The following ESRRG variants were observed in gnomAD, a reference collection of about 807,000 sequenced individuals.
ESRRG encodes estrogen related receptor gamma, also known as estrogen-related receptor gamma.
A neutral mutation model predicts 44.0 loss-of-function variants in ESRRG; 13 were observed. The ratio of observed to expected loss-of-function variants is 0.30; its 90% confidence interval spans 0.19 to 0.47. The LOEUF (loss-of-function observed/expected upper bound fraction) is 0.47, where lower values mean the gene tolerates loss of function less well. Ranked by LOEUF, ESRRG falls within the 20% of genes least tolerant of loss-of-function variation. ESRRG has a pLI of 1.00. For synonymous variants in ESRRG, 215 were observed against 214.6 expected (o/e 1.00, Z -0.02); for missense variants, 395 against 580.6 (o/e 0.68, Z 3.29).
At position 216,842,189 on chromosome 1, in the gene ESRRG, C is replaced by T. The variant is rs2095663989; in HGVS notation, c.-14+97393G>A. On this transcript the variant is annotated intron_variant, in intron 2 of 7. Coordinates refer to the ESRRG transcript ENST00000359162. Reference sequence around the variant, plus strand: ...CTCTTAGGAAATCTTTGCTATTAAACCTATTCGCTATGCCTAGTTCTATAT... The same window carrying T: ...CTCTTAGGAAATCTTTGCTATTAAATCTATTCGCTATGCCTAGTTCTATAT... Among the ~76,000 whole-genome samples, 3 of 152,140 alleles carry T rather than the reference C, an allele frequency of 2.0e-5. No homozygotes were observed. The South Asian group carries it at 6.2e-4, about 32-fold the overall frequency.
At chr1:216,685,109 C>T (rs1380635476) in intron 1 of ESRRG, among the ~76,000 whole-genome samples, 2 of 152,140 alleles carry the variant, frequency 1.3e-5, no homozygotes, top group South Asian at 2.1e-4. Flanking sequence ...GAAGGGCTTT[C>T]GAACAGTGTG....
At chr1:216,551,256 C>G (rs2056252857) in intron 5 of ESRRG, among the ~76,000 whole-genome samples, 1 of 152,078 alleles carries the variant, frequency 6.6e-6, no homozygotes, top group Non-Finnish European at 1.5e-5. Flanking sequence ...TTAATATATA[C>G]TTTGTTTAGT....
At chr1:216,866,411 AT>A (rs2096160019) in intron 2 of ESRRG, among the ~76,000 whole-genome samples, 1 of 152,092 alleles carries the variant, frequency 6.6e-6, no homozygotes, top group Non-Finnish European at 1.5e-5. Context: ...TGAAATATAT[AT>A]TTTTTAGGGG....
At chr1:216,906,741 G>A (rs1037413034) in intron 2 of ESRRG, among the ~76,000 whole-genome samples, 1 of 152,162 alleles carries the variant, frequency 6.6e-6, no homozygotes, top group African/African-American at 2.4e-5. Flanking sequence ...AGAATCCAGG[G>A]AATTTTTGTA....
chr1:216,775,226 A>G (rs193148268), intron 2 of ESRRG, among the ~76,000 whole-genome samples: 1 of 152,094 alleles, frequency 6.6e-6, no homozygotes, highest in East Asian at 1.9e-4. Flanking sequence ...TTGTTCATCT[A>G]TTTATTGTAT....
chr1:216,911,087 T>C (rs1485395665), intron 2 of ESRRG, among the ~76,000 whole-genome samples: 1 of 152,208 alleles, frequency 6.6e-6, no homozygotes, highest in Non-Finnish European at 1.5e-5. Context: ...TTTTAATTGT[T>C]ATTTAACAGT....
rs2058771759 is a variant in ESRRG at position 216,899,184 on chromosome 1, G to A, written c.-14+40398C>T. On this transcript the variant is annotated intron_variant, in intron 2 of 7. Coordinates refer to the ESRRG transcript ENST00000359162. ...TATAGATAATGACAAGAAAGTTTCA[G>A]GGCTAAGTACTAAAGACACCTGGAC... Among the ~76,000 whole-genome samples, 4 of 152,162 alleles carry A rather than the reference G, an allele frequency of 2.6e-5. No homozygotes were observed. In the South Asian group the frequency reaches 8.3e-4, roughly 32 times the overall value.
intron 1 of ESRRG, among the ~76,000 whole-genome samples, chr1:216,997,086 C>T (rs1335387380): frequency 4.6e-5 from 7 of 151,728 alleles, no homozygotes; most frequent in Non-Finnish European, 7.4e-5. Context: ...ATGCCAAAAA[C>T]GTGGAGAAGA....
chr1:217,008,175 C>A (rs2078031903), intron 1 of ESRRG, among the ~76,000 whole-genome samples: 1 of 152,214 alleles, frequency 6.6e-6, no homozygotes, highest in Admixed American at 6.5e-5. Context: ...TCCTTTCAGG[C>A]TGTCTGCCAC....
intron 1 of ESRRG, among the ~76,000 whole-genome samples, chr1:217,075,587 T>C (rs2091176249): frequency 7.7e-6 from 1 of 129,860 alleles, no homozygotes; most frequent in African/African-American, 2.9e-5. Context: ...AAATTGCTCC[T>C]TTCCCCCCCC....
intron 3 of ESRRG, among the ~76,000 whole-genome samples, chr1:216,569,276 G>A (rs996632865): frequency 1.3e-5 from 2 of 151,088 alleles, no homozygotes; most frequent in Non-Finnish European, 3.0e-5. Flanking sequence ...AGGAAAGAAG[G>A]AAGGAAGGAA....
At chr1:216,845,280 T>C (rs1464231727) in intron 2 of ESRRG, among the ~76,000 whole-genome samples, 2 of 152,266 alleles carry the variant, frequency 1.3e-5, no homozygotes, top group Non-Finnish European at 2.9e-5. Flanking sequence ...CCATAAATAT[T>C]TGTTAAATGT....
intron 2 of ESRRG, among the ~76,000 whole-genome samples, chr1:216,829,194 T>C (rs781653185): frequency 3.3e-5 from 5 of 152,170 alleles, no homozygotes; most frequent in Non-Finnish European, 7.4e-5. Flanking sequence ...TCCAGTACTA[T>C]AACTGTTACC....
rs139701773 is a variant in ESRRG, at chr1:217,114,667, CTTT to C, written c.-230+22997_-230+22999del. ...TTGTGCATGGAGGTCCAAAAGATTT[CTTT>C]TTTTTTTTTTTTTTTTTTGAGACGG... On this transcript the variant is annotated intron_variant, in intron 1 of 8. Coordinates refer to the ESRRG transcript ENST00000366940. Among the ~76,000 whole-genome samples, 937 of 107,234 alleles carry C rather than the reference CTTT, an allele frequency of 8.7e-3. 4 individuals are homozygous for C. The highest frequency in any genetic ancestry group is 0.028 in the African/African-American group (766 of 26,986). The allele number at this position is 107,234 out of a possible 152,430, so 70.3% of individuals were successfully genotyped here.
At chr1:216,957,080 GT>G (rs377554671) in intron 1 of ESRRG, among the ~76,000 whole-genome samples, 15 of 152,274 alleles carry the variant, frequency 9.9e-5, no homozygotes, top group African/African-American at 3.6e-4. Flanking sequence ...AAAGGACTTG[GT>G]TAGATTCTTA....
chr1:217,053,974 C>A (rs975491156), intron 1 of ESRRG, among the ~76,000 whole-genome samples: 18 of 150,248 alleles, frequency 1.2e-4, no homozygotes, highest in African/African-American at 9.8e-5. Flanking sequence ...TCAGCCGTGG[C>A]GTTCTTTACA....
intron 2 of ESRRG, among the ~76,000 whole-genome samples, chr1:216,666,004 C>T (rs140378985): frequency 7.9e-5 from 12 of 152,150 alleles, no homozygotes; most frequent in African/African-American, 2.9e-4. Flanking sequence ...CTGCCCTGGG[C>T]TTTACCAAAA....
chr1:216,679,025 C>T (rs558231680), intron 1 of ESRRG, among the ~76,000 whole-genome samples: 1 of 152,302 alleles, frequency 6.6e-6, no homozygotes, highest in South Asian at 2.1e-4. Context: ...AGGAGCAAAG[C>T]GTTGAGGCAA....
chr1:217,076,315 C>A (rs576358136), intron 1 of ESRRG, among the ~76,000 whole-genome samples: 2 of 152,280 alleles, frequency 1.3e-5, no homozygotes, highest in Admixed American at 6.5e-5. Flanking sequence ...CCTTTCCCCC[C>A]AGATTTGGCT....
Sources: allele counts gnomAD v4.1 joint callset (sites outside exome capture counted in the v4.1 genomes callset), GRCh38; gene constraint gnomAD v4.1.1; transcripts MANE v1.5; gene names NCBI Gene and HGNC (gene_info 2026-07-23, HGNC 2026-07-21).